Variants in CNTNAP4 observed in about 807,000 individuals in gnomAD.
CNTNAP4 encodes contactin associated protein family member 4, also known as contactin-associated protein-like 4.
CNTNAP4 carries 98 observed loss-of-function variants against 148.4 expected under a neutral mutation model. That is an observed-to-expected ratio of 0.66 (90% CI 0.56 to 0.78). The LOEUF is 0.78. Among genes scored for constraint, CNTNAP4 ranks in the 30% least tolerant of loss-of-function variants. CNTNAP4 has a pLI of 0.00. For synonymous variants in CNTNAP4, 730 were observed against 565.1 expected (o/e 1.29, Z -4.14); for missense variants, 1,935 against 1,565.6 (o/e 1.24, Z -3.98).
At chr16:76,550,786 T>C (rs1274164155) in intron 21 of CNTNAP4, among the ~76,000 whole-genome samples, 1 of 152,166 alleles carries the variant, frequency 6.6e-6, no homozygotes, top group East Asian at 1.9e-4. Flanking sequence ...ATTTCTTTGG[T>C]TCCATACACA....
At chr16:76,522,687 C>CTTTCTTTTCTCTTTTCT (rs2083523117) in intron 17 of CNTNAP4, among the ~76,000 whole-genome samples, 1 of 30,122 alleles carries the variant, frequency 3.3e-5, no homozygotes, top group Non-Finnish European at 6.6e-5. Context: ...TCTTTCTCTC[C>CTTTCTTTTCTCTTTTCT]TTTCTTTTCT....
intron 15 of CNTNAP4, 106 bp downstream of exon 15, chr16:76,498,800 C>T: frequency 1.8e-6 from 2 of 1,123,764 alleles, no homozygotes; most frequent in Non-Finnish European, 2.4e-6. Flanking sequence ...AATCAGACTT[C>T]TATTGTGAAC....
chr16:76,285,977 T>C (rs1359670520), intron 1 of CNTNAP4, among the ~76,000 whole-genome samples: 4 of 152,034 alleles, frequency 2.6e-5, no homozygotes, highest in African/African-American at 9.7e-5. Context: ...TCTGAGAAAG[T>C]CAAATTTCTA....
chr16:76,537,469 AGG>A (rs1474582968), intron 18 of CNTNAP4, among the ~76,000 whole-genome samples: 1 of 147,948 alleles, frequency 6.8e-6, no homozygotes, highest in Admixed American at 6.8e-5. Context: ...AGAGAGAGAG[AGG>A]AAGACAGAGA....
At chr16:76,557,818 CAA>C (rs1256877049) in intron 23 of CNTNAP4, 1 of 152,174 alleles carries the variant, frequency 6.6e-6, no homozygotes, top group African/African-American at 2.4e-5. Context: ...TGTGCCCTCT[CAA>C]AGTGTCCCAG....
intron 2 of CNTNAP4, among the ~76,000 whole-genome samples, chr16:76,328,086 C>G (rs1401135505): frequency 6.6e-6 from 1 of 152,170 alleles, no homozygotes; most frequent in Non-Finnish European, 1.5e-5. Flanking sequence ...TAGATTTTCT[C>G]CGTTCAAGGA....
chr16:76,521,071 T>G lies in CNTNAP4; in HGVS notation c.2366-69T>G, dbSNP rs904733888. On this transcript the variant is annotated intron_variant, in intron 15 of 23. Transcript: ENST00000611870. ...GTGCTAAAAATAGAACATGTAATTG[T>G]CATTCATTTTATTTCATGAATTTGT... 41 of 1,363,066 alleles carry G rather than the reference T, an allele frequency of 3.0e-5. No homozygotes were observed. The African/African-American group carries it at 5.4e-4, about 18-fold the overall frequency. 84.4% of individuals were successfully genotyped at this position (1,363,066 alleles called of 1,614,324 possible). A position where few individuals can be genotyped will look rare whatever the true frequency, so the allele number is the denominator to read the frequency against.
intron 1 of CNTNAP4, among the ~76,000 whole-genome samples, chr16:76,297,529 A>G (rs1053186517): frequency 3.9e-5 from 6 of 152,192 alleles, no homozygotes; most frequent in Admixed American, 3.9e-4. Context: ...GAGGAAGAAG[A>G]TAATTTTATT....
chr16:76,436,139 T>C (rs2079817095), intron 4 of CNTNAP4, among the ~76,000 whole-genome samples: 1 of 152,110 alleles, frequency 6.6e-6, no homozygotes, highest in Admixed American at 6.5e-5. Flanking sequence ...TCCTGGCAAC[T>C]GCCTCAGGGG....
chr16:76,404,299 A>G (rs970819493), intron 3 of CNTNAP4, among the ~76,000 whole-genome samples: 1 of 152,154 alleles, frequency 6.6e-6, no homozygotes, highest in African/African-American at 2.4e-5. Flanking sequence ...AAGACATAAC[A>G]ATAACAAAAA....
chr16:76,362,730 TAC>T (rs1304397842), intron 3 of CNTNAP4, among the ~76,000 whole-genome samples: 1 of 151,786 alleles, frequency 6.6e-6, no homozygotes, highest in Non-Finnish European at 1.5e-5. Context: ...AAGGGAAGAG[TAC>T]ACACCAGAAC....
At chr16:76,547,730 G>T (rs182992783) in intron 21 of CNTNAP4, among the ~76,000 whole-genome samples, 2 of 152,262 alleles carry the variant, frequency 1.3e-5, no homozygotes, top group Admixed American at 6.5e-5. Context: ...GACCCATAGG[G>T]ATCATTTATC....
intron 3 of CNTNAP4, among the ~76,000 whole-genome samples, chr16:76,387,271 C>T (rs1419364792): frequency 1.3e-5 from 2 of 152,180 alleles, no homozygotes; most frequent in Non-Finnish European, 2.9e-5. Context: ...TTAGGACACA[C>T]AGCAATGAAT....
At chr16:76,312,966 A>C (rs1173102794) in intron 1 of CNTNAP4, among the ~76,000 whole-genome samples, 1 of 152,188 alleles carries the variant, frequency 6.6e-6, no homozygotes, top group East Asian at 1.9e-4. Flanking sequence ...AACATACAAC[A>C]GATTGTAGGG....
intron 1 of CNTNAP4, among the ~76,000 whole-genome samples, chr16:76,305,751 T>G (rs957694536): frequency 6.0e-5 from 9 of 151,190 alleles, no homozygotes; most frequent in Non-Finnish European, 1.3e-4. Context: ...ATGGGTATAT[T>G]GCACCCAGGT....
intron 15 of CNTNAP4, among the ~76,000 whole-genome samples, chr16:76,506,604 C>G (rs8053908): frequency 0.67 from 58,654 of 87,770 alleles, 24,716 homozygotes; most frequent in East Asian, 0.89. Context: ...CCAAGTAGCT[C>G]GGATTACAGG....
At chr16:76,471,851 A>G (rs1430041070) in intron 10 of CNTNAP4, among the ~76,000 whole-genome samples, 1 of 152,036 alleles carries the variant, frequency 6.6e-6, no homozygotes, top group Non-Finnish European at 1.5e-5. Flanking sequence ...TAAGATTTGA[A>G]TTGTGGTGGT....
intron 4 of CNTNAP4, among the ~76,000 whole-genome samples, chr16:76,433,347 A>G (rs374391217): frequency 1.2e-4 from 19 of 152,304 alleles, no homozygotes; most frequent in African/African-American, 2.9e-4. Context: ...GTGTTAAACC[A>G]TTGTGTTTAA....
intron 10 of CNTNAP4, among the ~76,000 whole-genome samples, chr16:76,472,740 G>T (rs905426633): frequency 1.1e-4 from 16 of 152,078 alleles, no homozygotes; most frequent in Non-Finnish European, 2.1e-4. Flanking sequence ...CTTATAAGTG[G>T]GAGCTAAATG....
Sources: gnomAD v4.1 joint callset for allele counts (sites outside exome capture counted in the v4.1 genomes callset) on GRCh38, gnomAD v4.1.1 for gene constraint, MANE v1.5 for transcripts, NCBI Gene and HGNC (gene_info 2026-07-23, HGNC 2026-07-21) for gene names.